Variants in CHRM3 observed in about 807,000 individuals in gnomAD.
The protein encoded by CHRM3 is muscarinic acetylcholine receptor M3.
A neutral mutation model predicts 41.8 loss-of-function variants in CHRM3; 11 were observed. The ratio of observed to expected loss-of-function variants is 0.26; its 90% CI spans 0.17 to 0.44. The LOEUF (loss-of-function observed/expected upper bound fraction) is 0.44, where lower values mean the gene tolerates loss of function less well. Among genes scored for constraint, CHRM3 ranks in the 20% least tolerant of loss-of-function variants. The pLI is 1.00. For synonymous variants in CHRM3, 297 were observed against 301.4 expected, an observed-to-expected ratio of 0.99 and a Z score of 0.15; for missense variants, 571 against 745.4, an observed-to-expected ratio of 0.77 and a Z score of 2.72.
chr1:239,455,298 G>A (rs1011014784), intron 1 of CHRM3, among the ~76,000 whole-genome samples: 11 of 151,728 alleles, frequency 7.2e-5, no homozygotes, highest in South Asian at 2.1e-4. Context: ...TGATCTACCC[G>A]CCTCAGCCTC....
intron 6 of CHRM3, among the ~76,000 whole-genome samples, chr1:239,884,145 T>C (rs1677872871): frequency 6.6e-6 from 1 of 152,168 alleles, no homozygotes; most frequent in Admixed American, 6.6e-5. Context: ...TCTCAGAACC[T>C]GTGAATGTTA....
At chr1:239,744,154 A>G (rs1319004828) in intron 5 of CHRM3, among the ~76,000 whole-genome samples, 4 of 151,672 alleles carry the variant, frequency 2.6e-5, no homozygotes, top group African/African-American at 9.7e-5. Context: ...ACTTCATTCA[A>G]CATGTATTCA....
intron 1 of CHRM3, among the ~76,000 whole-genome samples, chr1:239,454,089 T>G (rs538132216): frequency 6.6e-6 from 1 of 152,116 alleles, no homozygotes; most frequent in Admixed American, 6.6e-5. Flanking sequence ...GGATGCTGAC[T>G]GGGGGCCCTA....
intron 1 of CHRM3, among the ~76,000 whole-genome samples, chr1:239,449,767 T>G (rs72754690): frequency 0.01 from 1,525 of 151,946 alleles, 11 homozygotes; most frequent in South Asian, 0.038. Context: ...TGTGTGTGTA[T>G]GCATGTTGTG....
chr1:239,732,973 T>A (rs1664086067), intron 5 of CHRM3, among the ~76,000 whole-genome samples: 2 of 151,992 alleles, frequency 1.3e-5, no homozygotes, highest in African/African-American at 4.8e-5. Flanking sequence ...TAATATCTCA[T>A]TTTGTTTGTT....
chr1:239,623,117 G>GT (rs200484453), intron 3 of CHRM3, among the ~76,000 whole-genome samples: 56 of 151,426 alleles, frequency 3.7e-4, no homozygotes, highest in African/African-American at 7.3e-4. Flanking sequence ...AGCAATAAAG[G>GT]TTTTTTTTTA....
intron 1 of CHRM3, among the ~76,000 whole-genome samples, chr1:239,419,941 G>C (rs1181203914): frequency 6.6e-6 from 1 of 152,082 alleles, no homozygotes; most frequent in Non-Finnish European, 1.5e-5. Flanking sequence ...TCGTTTCCCT[G>C]CCCCTGTCTG....
At chr1:239,875,581 A>G (rs1286354953) in intron 6 of CHRM3, among the ~76,000 whole-genome samples, 4 of 152,238 alleles carry the variant, frequency 2.6e-5, no homozygotes, top group Non-Finnish European at 5.9e-5. Context: ...CTCCAAGGCC[A>G]ACCCTGCTCC....
At chr1:239,648,128 C>T (rs1427554540) in intron 4 of CHRM3, among the ~76,000 whole-genome samples, 2 of 152,076 alleles carry the variant, frequency 1.3e-5, no homozygotes, top group African/African-American at 4.8e-5. Flanking sequence ...TCTACTCTAC[C>T]CTCTACCCTG....
chr1:239,440,139 A>C (rs1357216004), intron 1 of CHRM3, among the ~76,000 whole-genome samples: 1 of 147,594 alleles, frequency 6.8e-6, no homozygotes, highest in African/African-American at 2.5e-5. Context: ...TGGAGGTTGC[A>C]GTGAGCTGAA....
chr1:239,662,287 G>T (rs1358244630), intron 4 of CHRM3, among the ~76,000 whole-genome samples: 1 of 152,102 alleles, frequency 6.6e-6, no homozygotes, highest in African/African-American at 2.4e-5. Flanking sequence ...CCCATAAGCA[G>T]GAAGAGTCCT....
In CHRM3 at chr1:239,907,281, A is replaced by T. The variant is rs544658026; in HGVS notation, c.-19-152A>T. The stretch of plus-strand genomic sequence containing the variant: ...TGTCTGTCTGCCCTAGACTCCACTT[A>T]TTTAAAATAAGAGAATGAACTTGAT... On this transcript the variant is annotated intron_variant, in intron 6 of 6. Coordinates refer to ENST00000676153, the MANE Select transcript of CHRM3 (RefSeq NM_001375978.1). The surrounding 1 kb of genome is among the most constrained non-coding windows in gnomAD (Gnocchi z 5.4). Among the ~76,000 whole-genome samples the T allele has an allele frequency of 6.6e-6, 1 of 152,336 alleles. No homozygotes were observed. Among genetic ancestry groups the T allele is most frequent in the East Asian group, 1.9e-4 (1 of 5,184 alleles).
intron 4 of CHRM3, among the ~76,000 whole-genome samples, chr1:239,676,609 C>T (rs1417310076): frequency 6.6e-6 from 1 of 152,182 alleles, no homozygotes; most frequent in African/African-American, 2.4e-5. Context: ...ACCCTGGCAT[C>T]ACAGCTCTCC....
At chr1:239,520,527 T>C (rs984585298) in intron 2 of CHRM3, among the ~76,000 whole-genome samples, 1 of 152,162 alleles carries the variant, frequency 6.6e-6, no homozygotes, top group Non-Finnish European at 1.5e-5. Context: ...CCACCATGAC[T>C]GAGTGCTTCA....
intron 1 of CHRM3, among the ~76,000 whole-genome samples, chr1:239,439,401 T>G (rs1663528444): frequency 6.6e-6 from 1 of 152,104 alleles, no homozygotes; most frequent in Non-Finnish European, 1.5e-5. Flanking sequence ...TAAGTAATAT[T>G]GGAATTCGTG....
At chr1:239,832,352 T>G (rs1318135632) in intron 6 of CHRM3, among the ~76,000 whole-genome samples, 1 of 152,198 alleles carries the variant, frequency 6.6e-6, no homozygotes, top group African/African-American at 2.4e-5. Flanking sequence ...TGTATTTCCA[T>G]GGCAAATTGT....
rs894650974 is a variant in CHRM3 at position 239,648,103 on chromosome 1, C to T, written c.-250+15817C>T. On this transcript the variant is annotated intron_variant, in intron 4 of 6. Coordinates refer to ENST00000676153, the MANE Select transcript of CHRM3 (RefSeq NM_001375978.1). ...TGCTTAATTCTCAAGTTGCATTTCTCATTATTTCCTAACTTCTACTCTACC... is the reference window on the plus strand; with the variant it reads ...TGCTTAATTCTCAAGTTGCATTTCTTATTATTTCCTAACTTCTACTCTACC... Among the ~76,000 whole-genome samples, 7 of 152,100 alleles carry T rather than the reference C, an allele frequency of 4.6e-5. No individual in the cohort carries two copies. In the East Asian group the frequency reaches 5.8e-4, roughly 13 times the overall value.
chr1:239,598,932 A>G (rs1665151607), intron 3 of CHRM3, among the ~76,000 whole-genome samples: 2 of 150,418 alleles, frequency 1.3e-5, no homozygotes, highest in Non-Finnish European at 3.0e-5. Flanking sequence ...GCCCCTAAAC[A>G]TTTATGTACC....
At chr1:239,436,463 C>A (rs537094607) in intron 1 of CHRM3, among the ~76,000 whole-genome samples, 27 of 152,114 alleles carry the variant, frequency 1.8e-4, no homozygotes, top group African/African-American at 5.3e-4. Flanking sequence ...GCCCCTACCC[C>A]CAAGGGATTT....
Sources: allele counts gnomAD v4.1 joint callset (sites outside exome capture counted in the v4.1 genomes callset), GRCh38; gene constraint gnomAD v4.1.1; non-coding constraint Gnocchi (gnomAD v3.1); transcripts MANE v1.5; gene names NCBI Gene and HGNC (gene_info 2026-07-23, HGNC 2026-07-21).